The following LRRC7 variants were observed in gnomAD, a reference collection of about 807,000 sequenced individuals.
The protein encoded by LRRC7 is leucine rich repeat containing 7, also known as leucine-rich repeat-containing protein 7.
A neutral mutation model predicts 175.7 loss-of-function variants in LRRC7; 23 were observed. The observed-to-expected ratio is 0.13, with a 90% CI of 0.09 to 0.19. The LOEUF is 0.19. LRRC7 is among the 10% of genes least tolerant of loss of function. The pLI, the probability that LRRC7 is intolerant of heterozygous loss-of-function variation, is 1.00. For synonymous variants in LRRC7, 685 were observed against 680.9 expected (o/e 1.01, Z -0.09); for missense variants, 1,354 against 1,904.7 (o/e 0.71, Z 5.38).
intron 1 of LRRC7, among the ~76,000 whole-genome samples, chr1:69,581,992 C>A (rs1646219918): frequency 6.6e-6 from 1 of 152,144 alleles, no homozygotes; most frequent in Admixed American, 6.6e-5. Flanking sequence ...GGGATCCATG[C>A]TGTGGGATTC....
At chr1:69,810,900 A>C (rs1677766347) in intron 4 of LRRC7, among the ~76,000 whole-genome samples, 1 of 152,218 alleles carries the variant, frequency 6.6e-6, no homozygotes, top group Admixed American at 6.5e-5. Flanking sequence ...AAGCAGTGGC[A>C]ACAAAAGCCA....
At chr1:69,621,231 C>T (rs938475208) in intron 1 of LRRC7, among the ~76,000 whole-genome samples, 19 of 151,636 alleles carry the variant, frequency 1.3e-4, no homozygotes, top group Non-Finnish European at 2.4e-4. Context: ...GTTTTAGTAG[C>T]GACAGGGTTT....
intron 7 of LRRC7, among the ~76,000 whole-genome samples, chr1:69,896,183 A>G (rs1645974349): frequency 6.6e-6 from 1 of 152,070 alleles, no homozygotes; most frequent in African/African-American, 2.4e-5. Context: ...TGCATAATAG[A>G]TGTACATATT....
Position 69,609,546 on chromosome 1 carries a change from A to G in LRRC7, c.2+40905A>G, listed in dbSNP as rs574476414. ...TGAACTCTAAAGATATCTTGTTAAT[A>G]TGTGTACTATTATAATTACCATCTT... is the stretch of plus-strand genomic sequence containing the variant. On this transcript the variant is annotated intron_variant, in intron 1 of 26. Coordinates refer to ENST00000651989, the MANE Select transcript of LRRC7 (RefSeq NM_001370785.2). 1.4e-4 allele frequency among the ~76,000 whole-genome samples: 22 copies of G among 152,170 alleles called. No homozygotes were observed. In the South Asian group the frequency reaches 3.3e-3, roughly 23 times the overall value.
At chr1:69,668,150 T>C (rs1279089306) in intron 1 of LRRC7, among the ~76,000 whole-genome samples, 1 of 152,170 alleles carries the variant, frequency 6.6e-6, no homozygotes, top group Non-Finnish European at 1.5e-5. Flanking sequence ...GTGTTTCTTT[T>C]CTCTTTTTAT....
intron 4 of LRRC7, among the ~76,000 whole-genome samples, chr1:69,813,895 G>A (rs1234065492): frequency 1.3e-5 from 2 of 151,990 alleles, no homozygotes; most frequent in Non-Finnish European, 1.5e-5. Flanking sequence ...CAGAATGTTT[G>A]GAATAAGATA....
At chr1:69,827,991 C>G (rs1680118552) in intron 5 of LRRC7, among the ~76,000 whole-genome samples, 2 of 152,216 alleles carry the variant, frequency 1.3e-5, no homozygotes, top group African/African-American at 2.4e-5. Flanking sequence ...ATTACTATCC[C>G]CATTGCTTTG....
At position 69,683,421 on chromosome 1, in the gene LRRC7, C is replaced by T. The variant is rs147164874; in HGVS notation, c.100+4943C>T. Among the ~76,000 whole-genome samples, 1,023 of 152,230 alleles carry T rather than the reference C, an allele frequency of 6.7e-3. 5 individuals are homozygous for T. Among genetic ancestry groups the T allele is most frequent in the African/African-American group, 0.023 (968 of 41,552 alleles). On this transcript the variant is annotated intron_variant, in intron 2 of 26. Transcript: ENST00000651989. ...TTTTCCATTGCTCATTCAAGAAAGA[C>T]AATAGCCATACTGTGGATTATAAGA...
rs1220933148 is a variant in LRRC7 at position 70,131,714 on chromosome 1, T to C, written c.*9827T>C. On this transcript the variant is annotated 3_prime_UTR_variant, in exon 27 of 27. Coordinates refer to ENST00000651989, the MANE Select transcript of LRRC7 (RefSeq NM_001370785.2). Reference sequence around the variant, plus strand: ...AAACAGCCACCATTGCTGTCTTTGATAGCATGATGCCTCAAACTCTCCAGG... The same window carrying C: ...AAACAGCCACCATTGCTGTCTTTGACAGCATGATGCCTCAAACTCTCCAGG... Among the ~76,000 whole-genome samples, 1 of 152,226 alleles carries C rather than the reference T, an allele frequency of 6.6e-6. No homozygotes were observed. Among genetic ancestry groups the C allele is most frequent in the Non-Finnish European group, 1.5e-5 (1 of 68,042 alleles).
At chr1:69,880,370 A>G (rs1686475319) in intron 7 of LRRC7, among the ~76,000 whole-genome samples, 1 of 152,204 alleles carries the variant, frequency 6.6e-6, no homozygotes, top group African/African-American at 2.4e-5. Context: ...CAAGGGGATG[A>G]TCAGGGCAGA....
chr1:69,674,033 G>A (rs912364795), intron 1 of LRRC7, among the ~76,000 whole-genome samples: 3 of 151,866 alleles, frequency 2.0e-5, no homozygotes, highest in African/African-American at 7.3e-5. Flanking sequence ...ATGGAGGCAG[G>A]GCCTCGCTCT....
At chr1:69,919,075 A>G (rs1402221240) in intron 7 of LRRC7, among the ~76,000 whole-genome samples, 1 of 152,190 alleles carries the variant, frequency 6.6e-6, no homozygotes, top group East Asian at 1.9e-4. Context: ...GAATCGATCA[A>G]ATTTAAACTA....
chr1:69,812,026 C>CA (rs1217576126), intron 4 of LRRC7, among the ~76,000 whole-genome samples: 1 of 152,026 alleles, frequency 6.6e-6, no homozygotes, highest in Non-Finnish European at 1.5e-5. Flanking sequence ...GCATAACACT[C>CA]AAAAAAGCCA....
chr1:69,600,800 CTTTTTTTTTT>C lies in LRRC7; in HGVS notation c.2+32178_2+32187del, dbSNP rs59212223. Among the ~76,000 whole-genome samples, 72 of 64,896 alleles carry C rather than the reference CTTTTTTTTTT, an allele frequency of 1.1e-3. 7 individuals carry two copies. In the East Asian group the frequency reaches 0.035, roughly 31 times the overall value. The allele number at this position is 64,896 out of a possible 152,430, so 42.6% of individuals were successfully genotyped here. On this transcript the variant is annotated intron_variant, in intron 1 of 26. Coordinates refer to ENST00000651989, the MANE Select transcript of LRRC7 (RefSeq NM_001370785.2). ...CCATTTCTCCAAGGATCTCTGGTTT[CTTTTTTTTTT>C]TTTTTTTTTTTTTTTTTTGAGACAG... is the stretch of plus-strand genomic sequence containing the variant.
At chr1:69,608,510 G>C (rs1648023315) in intron 1 of LRRC7, among the ~76,000 whole-genome samples, 1 of 151,994 alleles carries the variant, frequency 6.6e-6, no homozygotes, top group Admixed American at 6.6e-5. Context: ...AGCCAGTGCA[G>C]GCAGAGCCTA....
At chr1:69,815,193 A>T (rs1029242404) in intron 4 of LRRC7, among the ~76,000 whole-genome samples, 1 of 152,126 alleles carries the variant, frequency 6.6e-6, no homozygotes, top group Non-Finnish European at 1.5e-5. Flanking sequence ...ATGTTGGACC[A>T]TCTGGTTCCT....
At chr1:69,605,777 C>T (rs534911983) in intron 1 of LRRC7, among the ~76,000 whole-genome samples, 1 of 152,214 alleles carries the variant, frequency 6.6e-6, no homozygotes, top group African/African-American at 2.4e-5. Flanking sequence ...AAAACACACA[C>T]ACATACACTC....
At chr1:69,737,116 C>T (rs1182567212) in intron 2 of LRRC7, among the ~76,000 whole-genome samples, 2 of 152,090 alleles carry the variant, frequency 1.3e-5, no homozygotes, top group African/African-American at 4.8e-5. Flanking sequence ...TACAAAACTT[C>T]ACTTAACATC....
At chr1:69,714,162 A>C (rs940309652) in intron 2 of LRRC7, among the ~76,000 whole-genome samples, 1 of 151,674 alleles carries the variant, frequency 6.6e-6, no homozygotes, top group Non-Finnish European at 1.5e-5. Flanking sequence ...GACACACTCA[A>C]CTCCCCTGAG....
Sources: gnomAD v4.1 joint callset for allele counts (sites outside exome capture counted in the v4.1 genomes callset) on GRCh38, gnomAD v4.1.1 for gene constraint, MANE v1.5 for transcripts, NCBI Gene and HGNC (gene_info 2026-07-23, HGNC 2026-07-21) for gene names.